The following TASP1 variants were observed in gnomAD, a reference collection of about 807,000 sequenced individuals.
TASP1 encodes taspase 1.
TASP1 carries 16 observed loss-of-function variants against 56.6 expected under a neutral mutation model. That is an observed-to-expected ratio of 0.28 (90% confidence interval 0.19 to 0.43). The LOEUF is 0.43. Ranked by LOEUF, TASP1 falls within the 20% of genes least tolerant of loss-of-function variation. The pLI is 1.00. For synonymous variants in TASP1, 179 were observed against 184.2 expected, an observed-to-expected ratio of 0.97 and a Z score of 0.23; for missense variants, 393 against 511.6, an observed-to-expected ratio of 0.77 and a Z score of 2.24.
intron 11 of TASP1, among the ~76,000 whole-genome samples, chr20:13,479,852 A>C (rs2043076136): frequency 6.6e-6 from 1 of 152,184 alleles, no homozygotes; most frequent in African/African-American, 2.4e-5. Flanking sequence ...GATCAAATAT[A>C]ATTTTGGAGC....
chr20:13,227,449 C>G, the TASP1 span, among the ~76,000 whole-genome samples: 1 of 151,188 alleles, frequency 6.6e-6, no homozygotes, highest in African/African-American at 2.4e-5. Context: ...ATGATCTGCC[C>G]GCCTCGACCT....
At chr20:13,564,190 C>G (rs559987414) in intron 7 of TASP1, among the ~76,000 whole-genome samples, 2 of 152,190 alleles carry the variant, frequency 1.3e-5, no homozygotes, top group South Asian at 2.1e-4. Context: ...CCAACCCCGT[C>G]CCCCAACACA....
the TASP1 span, among the ~76,000 whole-genome samples, chr20:13,186,532 C>A: frequency 0.043 from 6,603 of 152,060 alleles, 224 homozygotes; most frequent in East Asian, 0.2. Flanking sequence ...AGGTCACAGC[C>A]CAAAGACATA....
chr20:13,122,994 G>A, the TASP1 span, among the ~76,000 whole-genome samples: 20 of 152,144 alleles, frequency 1.3e-4, no homozygotes, highest in Middle Eastern at 0.01. Flanking sequence ...CCTTCCTCCC[G>A]CCCCATGCTC....
chr20:13,501,810 C>T (rs2146649073), intron 10 of TASP1, among the ~76,000 whole-genome samples: 1 of 151,674 alleles, frequency 6.6e-6, no homozygotes, highest in Admixed American at 6.6e-5. Flanking sequence ...ACAAAATAGG[C>T]TAAAAGTAAA....
chr20:13,235,066 T>C, the TASP1 span, among the ~76,000 whole-genome samples: 15 of 152,288 alleles, frequency 9.8e-5, no homozygotes, highest in Non-Finnish European at 1.8e-4. Flanking sequence ...CTAATAATAA[T>C]GCTGTAGGAC....
At chr20:13,178,228 G>A in the TASP1 span, among the ~76,000 whole-genome samples, 4 of 152,042 alleles carry the variant, frequency 2.6e-5, no homozygotes, top group African/African-American at 9.7e-5. Context: ...CAGTTAAGAT[G>A]ACTGTTATCA....
intron 11 of TASP1, among the ~76,000 whole-genome samples, chr20:13,475,529 T>C (rs1316610854): frequency 6.6e-6 from 1 of 152,222 alleles, no homozygotes; most frequent in African/African-American, 2.4e-5. Flanking sequence ...TCCAAAATGA[T>C]TGTCCCTATT....
intron 11 of TASP1, among the ~76,000 whole-genome samples, chr20:13,436,575 T>G (rs1258551858): frequency 6.6e-6 from 1 of 152,052 alleles, no homozygotes; most frequent in Non-Finnish European, 1.5e-5. Context: ...GAAGGTGAAC[T>G]AGAGAGTTGA....
At chr20:13,428,041 T>C (rs924548469) in intron 12 of TASP1, among the ~76,000 whole-genome samples, 4 of 152,170 alleles carry the variant, frequency 2.6e-5, no homozygotes, top group African/African-American at 9.7e-5. Flanking sequence ...AACACAAGCT[T>C]GGCACAAAAG....
intron 13 of TASP1, among the ~76,000 whole-genome samples, chr20:13,414,524 G>A (rs551417052): frequency 3.3e-4 from 50 of 152,264 alleles, no homozygotes; most frequent in African/African-American, 9.6e-4. Flanking sequence ...TTTCACTGTG[G>A]TTATAAAAAG....
chr20:13,450,219 G>GT (rs2146287749), intron 11 of TASP1, among the ~76,000 whole-genome samples: 1 of 152,200 alleles, frequency 6.6e-6, no homozygotes, highest in African/African-American at 2.4e-5. Context: ...ACTTAGATGA[G>GT]TCATATCCTT....
chr20:13,117,684 A>G, the TASP1 span: 1 of 1,613,644 alleles, frequency 6.2e-7, no homozygotes, highest in Non-Finnish European at 8.5e-7. Flanking sequence ...CACATTCACC[A>G]AAAGTTTTGG....
downstream of TASP1, among the ~76,000 whole-genome samples, chr20:13,386,535 C>G (rs2041164131): frequency 6.6e-6 from 1 of 152,074 alleles, no homozygotes; most frequent in African/African-American, 2.4e-5. Context: ...TCTCAAGATT[C>G]AAGAATGATG....
the TASP1 span, among the ~76,000 whole-genome samples, chr20:13,169,426 A>C: frequency 6.6e-6 from 1 of 152,166 alleles, no homozygotes; most frequent in Non-Finnish European, 1.5e-5. Flanking sequence ...GTAAGAGTAA[A>C]GGAACAGGAT....
rs187751897 is a variant in TASP1, at chr20:13,410,975, G to T, written c.1170+6473C>A. Among the ~76,000 whole-genome samples, 5 of 152,218 alleles carry T rather than the reference G, an allele frequency of 3.3e-5. No homozygotes were observed. In the East Asian group the frequency reaches 9.6e-4, roughly 29 times the overall value. ...TTATAGTTTGGGGCCTTACATTTAA[G>T]ATTTTAATCAATCTTGAATGGATTT... On this transcript the variant is annotated intron_variant, in intron 13 of 13. Coordinates refer to ENST00000337743, the MANE Select transcript of TASP1 (RefSeq NM_017714.3).
intron 13 of TASP1, among the ~76,000 whole-genome samples, chr20:13,402,739 A>G (rs1406274454): frequency 6.6e-6 from 1 of 152,232 alleles, no homozygotes; most frequent in Non-Finnish European, 1.5e-5. Flanking sequence ...CAATAAATCT[A>G]TTTAGCTGGA....
chr20:13,262,565 C>T, the TASP1 span, among the ~76,000 whole-genome samples: 1 of 151,718 alleles, frequency 6.6e-6, no homozygotes, highest in Non-Finnish European at 1.5e-5. Context: ...TCAGTTCATT[C>T]TTTAGCCTAA....
At chr20:13,570,695 T>G (rs1211818542) in intron 6 of TASP1, among the ~76,000 whole-genome samples, 1 of 151,998 alleles carries the variant, frequency 6.6e-6, no homozygotes, top group East Asian at 1.9e-4. Context: ...CTCTTCAAAA[T>G]TCTACTTTAA....
Sources: allele counts gnomAD v4.1 joint callset (sites outside exome capture counted in the v4.1 genomes callset), GRCh38; gene constraint gnomAD v4.1.1; transcripts MANE v1.5; gene names NCBI Gene and HGNC (gene_info 2026-07-23, HGNC 2026-07-21).